Variants in HS6ST3 observed in about 807,000 individuals in gnomAD.
The protein encoded by HS6ST3 is heparan-sulfate 6-O-sulfotransferase 3.
In HS6ST3, 12 loss-of-function variants were observed where a neutral mutation model predicts 36.7. That is an observed-to-expected ratio of 0.33 (90% CI 0.21 to 0.53). The LOEUF (loss-of-function observed/expected upper bound fraction) is 0.53. HS6ST3 is among the 20% of genes least tolerant of loss of function. The pLI is 0.95. For missense variants in HS6ST3, 584 were observed against 640.9 expected (o/e 0.91, Z 0.96); for synonymous variants, 240 against 257.5 (o/e 0.93, Z 0.65).
intron 1 of HS6ST3, among the ~76,000 whole-genome samples, chr13:96,242,875 C>T (rs556334885): frequency 1.8e-4 from 28 of 152,264 alleles, no homozygotes; most frequent in Non-Finnish European, 2.9e-4. Flanking sequence ...CAAAAGATAT[C>T]GGCACTCCCA....
intron 1 of HS6ST3, among the ~76,000 whole-genome samples, chr13:96,150,974 A>G (rs1053764868): frequency 1.3e-5 from 2 of 152,132 alleles, no homozygotes; most frequent in Non-Finnish European, 2.9e-5. Context: ...ATCTATTACT[A>G]TTTCCTTCTG....
chr13:96,163,138 C>T (rs1262808826), intron 1 of HS6ST3, among the ~76,000 whole-genome samples: 2 of 150,774 alleles, frequency 1.3e-5, no homozygotes, highest in Non-Finnish European at 2.9e-5. Context: ...GAGTAACATG[C>T]TGCTTTTATG....
intron 1 of HS6ST3, among the ~76,000 whole-genome samples, chr13:96,519,791 A>G (rs1050426066): frequency 8.5e-5 from 13 of 152,158 alleles, no homozygotes; most frequent in Non-Finnish European, 1.9e-4. Flanking sequence ...CTTATCCCAT[A>G]AAGTTGTTCT....
intron 1 of HS6ST3, among the ~76,000 whole-genome samples, chr13:96,683,861 A>T (rs1401931758): frequency 1.3e-5 from 2 of 152,086 alleles, no homozygotes; most frequent in Non-Finnish European, 2.9e-5. Flanking sequence ...AGAATCTGAA[A>T]ACAATTAAAT....
intron 1 of HS6ST3, among the ~76,000 whole-genome samples, chr13:96,172,673 A>G (rs1344360171): frequency 1.3e-5 from 2 of 152,218 alleles, no homozygotes; most frequent in South Asian, 2.1e-4. Context: ...TCAGTCCACA[A>G]GTGGCTCAGG....
intron 1 of HS6ST3, among the ~76,000 whole-genome samples, chr13:96,651,534 CCCT>C (rs1445410649): frequency 6.6e-6 from 1 of 152,030 alleles, no homozygotes; most frequent in Non-Finnish European, 1.5e-5. Context: ...GCATGCTGTA[CCCT>C]CCTCATCACA....
intron 1 of HS6ST3, among the ~76,000 whole-genome samples, chr13:96,304,838 G>C (rs1282585274): frequency 1.3e-5 from 2 of 150,886 alleles, no homozygotes; most frequent in African/African-American, 4.9e-5. Flanking sequence ...AGCCTCCTGA[G>C]TAGCTGGGAC....
chr13:96,670,060 G>T (rs1030274560), intron 1 of HS6ST3, among the ~76,000 whole-genome samples: 3 of 152,148 alleles, frequency 2.0e-5, no homozygotes, highest in Non-Finnish European at 4.4e-5. Flanking sequence ...TATAAAAAGT[G>T]CCTCAGGGCA....
intron 1 of HS6ST3, among the ~76,000 whole-genome samples, chr13:96,809,419 G>A (rs918956820): frequency 6.6e-6 from 1 of 152,036 alleles, no homozygotes; most frequent in African/African-American, 2.4e-5. Context: ...CTTGTTTTTT[G>A]CTTTTAGATT....
chr13:96,233,675 A>T (rs2054518691), intron 1 of HS6ST3, among the ~76,000 whole-genome samples: 1 of 152,188 alleles, frequency 6.6e-6, no homozygotes, highest in South Asian at 2.1e-4. Flanking sequence ...AAACAATGAG[A>T]TGATAGCCAT....
At chr13:96,601,420 C>T (rs1223174745) in intron 1 of HS6ST3, among the ~76,000 whole-genome samples, 1 of 151,876 alleles carries the variant, frequency 6.6e-6, no homozygotes, top group Non-Finnish European at 1.5e-5. Context: ...TGAAACTTTC[C>T]ACTGTATTTT....
At chr13:96,341,033 A>T (rs1444610167) in intron 1 of HS6ST3, among the ~76,000 whole-genome samples, 1 of 152,146 alleles carries the variant, frequency 6.6e-6, no homozygotes, top group East Asian at 1.9e-4. Flanking sequence ...GATGGCATAC[A>T]TTTGCTATGG....
intron 1 of HS6ST3, among the ~76,000 whole-genome samples, chr13:96,767,512 A>G (rs970256173): frequency 6.6e-6 from 1 of 152,178 alleles, no homozygotes. Context: ...AGCATAAAAA[A>G]TCTTCCTCAT....
chr13:96,115,128 G>A (rs2053887901), intron 1 of HS6ST3, among the ~76,000 whole-genome samples: 1 of 152,082 alleles, frequency 6.6e-6, no homozygotes, highest in East Asian at 1.9e-4. Flanking sequence ...CTGTTGAAGG[G>A]GTCAGGGACT....
chr13:96,702,333 C>T (rs1875310199), intron 1 of HS6ST3, among the ~76,000 whole-genome samples: 1 of 152,214 alleles, frequency 6.6e-6, no homozygotes, highest in African/African-American at 2.4e-5. Context: ...TATTTATAGT[C>T]TCTGGGGCCT....
intron 1 of HS6ST3, among the ~76,000 whole-genome samples, chr13:96,580,403 T>TG (rs2056337724): frequency 6.6e-6 from 1 of 151,292 alleles, no homozygotes; most frequent in Non-Finnish European, 1.5e-5. Context: ...TTTTTTTTTT[T>TG]GCAAAATAGT....
intron 1 of HS6ST3, among the ~76,000 whole-genome samples, chr13:96,413,897 G>T (rs564827734): frequency 6.6e-6 from 1 of 152,262 alleles, no homozygotes; most frequent in East Asian, 1.9e-4. Context: ...ATAGTTTTTG[G>T]TGAGATGAAA....
chr13:96,725,012 G>A (rs1351228604), intron 1 of HS6ST3, among the ~76,000 whole-genome samples: 3 of 152,150 alleles, frequency 2.0e-5, no homozygotes, highest in African/African-American at 7.2e-5. Flanking sequence ...CCATTGCAGA[G>A]TAATTACTAC....
At chr13:96,447,800 T>G (rs2055706654) in intron 1 of HS6ST3, among the ~76,000 whole-genome samples, 1 of 152,178 alleles carries the variant, frequency 6.6e-6, no homozygotes, top group South Asian at 2.1e-4. Flanking sequence ...AGTAGGAGTT[T>G]CCTCTCTTGG....
Sources: gnomAD v4.1 joint callset for allele counts (sites outside exome capture counted in the v4.1 genomes callset) on GRCh38, gnomAD v4.1.1 for gene constraint, MANE v1.5 for transcripts, NCBI Gene and HGNC (gene_info 2026-07-23, HGNC 2026-07-21) for gene names.